The following TMEM126A variants were observed in gnomAD, a reference collection of about 807,000 sequenced individuals.
TMEM126A encodes transmembrane protein 126A, also known as optic atrophy 7.
TMEM126A carries 10 observed loss-of-function variants against 18.3 expected under a neutral mutation model. That is an observed-to-expected ratio of 0.55 (90% CI 0.34 to 0.93). The LOEUF is 0.93. Ranked by LOEUF, TMEM126A falls within the 40% of genes least tolerant of loss-of-function variation. The pLI, the probability that TMEM126A is intolerant of heterozygous loss-of-function variation, is 0.02. For missense variants in TMEM126A, 246 were observed against 230.2 expected, an observed-to-expected ratio of 1.07 and a Z score of -0.44; for synonymous variants, 68 against 78.1, an observed-to-expected ratio of 0.87 and a Z score of 0.68.
Position 85,656,324 on chromosome 11 carries a change from G to A in TMEM126A, c.411G>A (p.Leu137=), listed in dbSNP as rs776735442. The change falls in exon 5 of 5, where the codon CTG becomes CTA. Residue 137 remains leucine (L), a synonymous_variant. Transcript: ENST00000304511. ...GGLAARYQSA[L]LPHKGNILSY... is the part of the protein sequence containing the mutation. ...TTTCTTACAGGTATCAATCAGCTCT[G>A]TTACCACACAAAGGGAACATCTTAA... 1.9e-6 allele frequency: 3 copies of A among 1,611,514 alleles called. No homozygotes were observed. The highest frequency in any genetic ancestry group is 2.2e-5 in the East Asian group (1 of 44,764).
intron 4 of TMEM126A, 146 bp downstream of exon 4, chr11:85,655,854 T>C: frequency 3.2e-6 from 2 of 624,536 alleles, no homozygotes; most frequent in Non-Finnish European, 2.8e-6. Flanking sequence ...TTTTTTCTTA[T>C]AATGAAATTC....
In TMEM126A at chr11:85,655,581, A is replaced by C. The variant is rs750201466; in HGVS notation, c.281-13A>C. ...ATCATGACCTTCATTTCTATGACTA[A>C]TTTATTTCCTAGGTGATTTGGATTG... On this transcript the variant is annotated splice_polypyrimidine_tract_variant and intron_variant, in intron 3 of 4. Transcript: ENST00000304511. 76 of 1,589,688 alleles carry C rather than the reference A, an allele frequency of 4.8e-5. No homozygotes were observed. Among genetic ancestry groups the C allele is most frequent in the Non-Finnish European group, 6.1e-5 (71 of 1,158,080 alleles).
chr11:85,649,896 CTTTT>C lies in TMEM126A; in HGVS notation c.-7-352_-7-349del, dbSNP rs1357911357. On this transcript the variant is annotated intron_variant, in intron 1 of 4. Coordinates refer to ENST00000304511, the MANE Select transcript of TMEM126A (RefSeq NM_032273.4). ...ATGTATGTTCTGGGTACTAACTACTCTTTTGTCAGTTCTATTGCATTTTCTCCCC... is the reference window on the plus strand; with the variant it reads ...ATGTATGTTCTGGGTACTAACTACTCGTCAGTTCTATTGCATTTTCTCCCC... Among the ~76,000 whole-genome samples the C allele has an allele frequency of 2.0e-5, 3 of 152,264 alleles. No homozygotes were observed. The East Asian group carries it at 5.8e-4, about 29-fold the overall frequency.
intron 3 of TMEM126A, among the ~76,000 whole-genome samples, chr11:85,654,614 G>A (rs1417756974): frequency 4.6e-5 from 7 of 152,074 alleles, no homozygotes; most frequent in African/African-American, 1.4e-4. Context: ...ACCATGCCCG[G>A]CTAATTTTTT....
rs1490358876 is a variant in TMEM126A at position 85,654,164 on chromosome 11, C to T, written c.188C>T (p.Ala63Val). ...CGACGCATCTTGAATGTGACAAAGG[C>T]TCGCATAGCTGCTGGCTTACCAATG... Reference protein sequence around the residue: ...LFRRILNVTKARIAAGLPMAG... With the variant: ...LFRRILNVTKVRIAAGLPMAG... Residue 63 changes from alanine to valine, a missense_variant, in exon 3 of 5, where the codon GCT (alanine) becomes GTT (valine). By Grantham distance (64) the Ala-to-Val change is moderately conservative. Transcript: ENST00000304511. 5 of 1,614,192 alleles carry T rather than the reference C, an allele frequency of 3.1e-6. No individual in the cohort carries two copies. Among genetic ancestry groups the T allele is most frequent in the Admixed American group, 1.7e-5 (1 of 60,032 alleles).
intron 1 of TMEM126A, 129 bp from the exon 2 acceptor site, chr11:85,650,120 T>G (rs1433630792): frequency 1.8e-6 from 1 of 550,356 alleles, no homozygotes; most frequent in Non-Finnish European, 3.2e-6. Context: ...TTCACTTAGA[T>G]TTTTTTTTAA....
In TMEM126A at chr11:85,650,270, A is replaced by G. The variant is rs1397614138; in HGVS notation, c.15A>G (p.Lys5=). 1.3e-6 allele frequency: 2 copies of G among 1,596,096 alleles called. No individual in the cohort carries two copies. Among genetic ancestry groups the G allele is most frequent in the South Asian group, 2.2e-5 (2 of 89,212 alleles). MENH[K]SNNKENITIV... ...TAAGGCTCAAAATGGAAAATCATAA[A>G]TCCAATAATAAGGAAAACATAACAA... Residue 5 remains lysine, a synonymous_variant, in exon 2 of 5, where the codon AAA becomes AAG. Coordinates refer to ENST00000304511, the MANE Select transcript of TMEM126A (RefSeq NM_032273.4).
chr11:85,649,456 TG>T (rs1272852226), intron 1 of TMEM126A, among the ~76,000 whole-genome samples: 6 of 152,244 alleles, frequency 3.9e-5, no homozygotes. Flanking sequence ...GTATGTTACC[TG>T]CAAAGCCTAC....
Position 85,654,259 on chromosome 11 carries a change from A to G in TMEM126A, c.280+3A>G. On this transcript the variant is annotated splice_donor_region_variant and intron_variant, in intron 3 of 4. Transcript: ENST00000304511. ...TGTAAGTTTTCCTTTGAATACAGGT[A>G]AATTCTACTTCACTATCACCAAAGA... The G allele has an allele frequency of 6.2e-7, 1 of 1,613,804 alleles. No individual in the cohort carries two copies. Among genetic ancestry groups the G allele is most frequent in the Non-Finnish European group, 8.5e-7 (1 of 1,179,832 alleles).
At chr11:85,650,833 G>A (rs2082493679) in intron 2 of TMEM126A, among the ~76,000 whole-genome samples, 1 of 152,030 alleles carries the variant, frequency 6.6e-6, no homozygotes. Context: ...ACTTTGGGAG[G>A]CCAGGGTGGG....
intron 2 of TMEM126A, among the ~76,000 whole-genome samples, chr11:85,653,300 TA>T (rs1222667859): frequency 6.6e-6 from 1 of 152,208 alleles, no homozygotes; most frequent in African/African-American, 2.4e-5. Flanking sequence ...AAAGCTATTT[TA>T]AGATGAGTGT....
At chr11:85,652,040 T>C (rs1044351254) in intron 2 of TMEM126A, among the ~76,000 whole-genome samples, 1 of 152,194 alleles carries the variant, frequency 6.6e-6, no homozygotes, top group Non-Finnish European at 1.5e-5. Flanking sequence ...GGCACGTGCC[T>C]GTAGTCCTAC....
intron 2 of TMEM126A, among the ~76,000 whole-genome samples, chr11:85,651,364 G>C (rs1323467883): frequency 6.6e-6 from 1 of 152,278 alleles, no homozygotes; most frequent in East Asian, 1.9e-4. Context: ...ACCAGGAATA[G>C]TTTTGAGCAG....
intron 2 of TMEM126A, among the ~76,000 whole-genome samples, chr11:85,651,258 G>C (rs1371105482): frequency 2.6e-5 from 4 of 152,156 alleles, no homozygotes; most frequent in Non-Finnish European, 4.4e-5. Context: ...AGTGTCTTAA[G>C]TAGAGGGAAT....
intron 2 of TMEM126A, among the ~76,000 whole-genome samples, chr11:85,651,065 G>A (rs1374821745): frequency 2.6e-4 from 11 of 41,532 alleles, no homozygotes; most frequent in East Asian, 1.6e-3. Context: ...GTGAGGATCC[G>A]TCTCAAAAAA....
intron 2 of TMEM126A, among the ~76,000 whole-genome samples, chr11:85,651,103 G>C (rs1282694366): frequency 1.4e-5 from 2 of 141,648 alleles, no homozygotes; most frequent in African/African-American, 5.2e-5. Flanking sequence ...ATATTAAAGA[G>C]AAAAACCAAT....
intron 4 of TMEM126A, 108 bp from the exon 5 acceptor site, chr11:85,656,201 A>G: frequency 1.0e-6 from 1 of 983,914 alleles, no homozygotes. Context: ...CCTTTACTTT[A>G]ATATTCAGTT....
At chr11:85,648,366 C>T (rs1291878105) in intron 1 of TMEM126A, among the ~76,000 whole-genome samples, 1 of 152,116 alleles carries the variant, frequency 6.6e-6, no homozygotes, top group African/African-American at 2.4e-5. Context: ...TTCAGAGGTC[C>T]CACTTTACTT....
rs58948603 is a variant in TMEM126A at position 85,652,946 on chromosome 11, CA to C, written c.87-1107del. 4.4e-3 allele frequency among the ~76,000 whole-genome samples: 642 copies of C among 146,830 alleles called. 8 individuals are homozygous for C. The highest frequency in any genetic ancestry group is 0.015 in the African/African-American group (587 of 40,170). On this transcript the variant is annotated intron_variant, in intron 2 of 4. Coordinates refer to ENST00000304511, the MANE Select transcript of TMEM126A (RefSeq NM_032273.4). The stretch of plus-strand genomic sequence containing the variant: ...TTCAAGTTTTTTATTCCAACCCCCA[CA>C]AAAAAAAAATAGGCTTTTCACATTT...
Sources: allele counts gnomAD v4.1 joint callset (sites outside exome capture counted in the v4.1 genomes callset), GRCh38; gene constraint gnomAD v4.1.1; transcripts MANE v1.5; gene names NCBI Gene and HGNC (gene_info 2026-07-23, HGNC 2026-07-21).